The following PDE7B variants were observed in gnomAD, a reference collection of about 807,000 sequenced individuals.
PDE7B encodes the protein 3',5'-cyclic-AMP phosphodiesterase 7B.
PDE7B carries 29 observed loss-of-function variants against 56.2 expected under a neutral mutation model. The ratio of observed to expected loss-of-function variants is 0.52; its 90% CI spans 0.38 to 0.70. The LOEUF is 0.70. Among genes scored for constraint, PDE7B ranks in the 30% least tolerant of loss-of-function variants. The pLI, the probability that PDE7B is intolerant of heterozygous loss-of-function variation, is 0.00. For missense variants in PDE7B, 490 were observed against 565.0 expected (o/e 0.87, Z 1.35); for synonymous variants, 197 against 196.9 (o/e 1.00, Z 0.00).
At chr6:136,002,499 G>C (rs1775690279) in intron 2 of PDE7B, among the ~76,000 whole-genome samples, 1 of 152,180 alleles carries the variant, frequency 6.6e-6, no homozygotes, top group Non-Finnish European at 1.5e-5. Context: ...TAAAAGGATA[G>C]AGGAAGATCT....
chr6:135,915,656 G>T (rs572127987), intron 1 of PDE7B, among the ~76,000 whole-genome samples: 2 of 152,108 alleles, frequency 1.3e-5, no homozygotes, highest in African/African-American at 2.4e-5. Context: ...CCACGTCCAG[G>T]TATAGACCCA....
chr6:136,011,815 G>T (rs907166989), intron 2 of PDE7B, among the ~76,000 whole-genome samples: 2 of 152,080 alleles, frequency 1.3e-5, no homozygotes, highest in Non-Finnish European at 1.5e-5. Context: ...TCTGTGGTCA[G>T]ATTTTTACTT....
chr6:135,942,575 A>T (rs1774524639), intron 1 of PDE7B, among the ~76,000 whole-genome samples: 2 of 152,158 alleles, frequency 1.3e-5, no homozygotes, highest in South Asian at 4.1e-4. Flanking sequence ...GTTGTACAAT[A>T]GATTTCCTGA....
chr6:135,854,306 A>C (rs1481534998), intron 1 of PDE7B, among the ~76,000 whole-genome samples: 1 of 152,228 alleles, frequency 6.6e-6, no homozygotes, highest in Non-Finnish European at 1.5e-5. Flanking sequence ...ATTAAAGAGA[A>C]GTGTCAAATT....
Position 136,062,636 on chromosome 6 carries a change from A to T in PDE7B, c.83-46095A>T, listed in dbSNP as rs1012848462. Among the ~76,000 whole-genome samples, 8 of 152,330 alleles carry T rather than the reference A, an allele frequency of 5.3e-5. 1 individual carries two copies. In the South Asian group the frequency reaches 1.7e-3, roughly 32 times the overall value. On this transcript the variant is annotated intron_variant, in intron 2 of 12. Transcript: ENST00000308191. ...AGATGTCAGGATCACTGAGGTACCAAGTAAACAAGATGGAAGAAGATCATT... is the reference window on the plus strand; with the variant it reads ...AGATGTCAGGATCACTGAGGTACCATGTAAACAAGATGGAAGAAGATCATT...
chr6:135,902,331 G>A (rs1282871813), intron 1 of PDE7B, among the ~76,000 whole-genome samples: 1 of 147,698 alleles, frequency 6.8e-6, no homozygotes, highest in African/African-American at 2.5e-5. Context: ...TTATGTGAAG[G>A]TTTTTTTTTT....
At position 135,944,939 on chromosome 6, in the gene PDE7B, G is replaced by A. The variant is rs975310645; in HGVS notation, c.22-2525G>A. 2.6e-5 allele frequency among the ~76,000 whole-genome samples: 4 copies of A among 152,162 alleles called. No homozygotes were observed. The South Asian group carries it at 8.3e-4, about 32-fold the overall frequency. On this transcript the variant is annotated intron_variant, in intron 1 of 12. Transcript: ENST00000308191. ...GCAAATGGCAGGGGAGCACCCTAGG[G>A]TCCTGGAGTTATTTCCTTGTAGGAC...
At chr6:136,121,616 A>C (rs1777935220) in intron 3 of PDE7B, among the ~76,000 whole-genome samples, 1 of 152,206 alleles carries the variant, frequency 6.6e-6, no homozygotes, top group African/African-American at 2.4e-5. Context: ...GATGAACAAA[A>C]CATTTTGGGA....
Position 136,154,062 on chromosome 6 carries a change from G to T in PDE7B, c.479-13G>T, listed in dbSNP as rs760630287. Reference sequence around the variant, plus strand: ...TGGGTTTTAGTTGATTGAGTTATCTGTTTACCTCCCAGTCATGGTTCAAGA... The same window carrying T: ...TGGGTTTTAGTTGATTGAGTTATCTTTTTACCTCCCAGTCATGGTTCAAGA... On this transcript the variant is annotated splice_polypyrimidine_tract_variant and intron_variant, in intron 6 of 12. Transcript: ENST00000308191. 1 of 1,592,628 alleles carries T rather than the reference G, an allele frequency of 6.3e-7. No individual in the cohort carries two copies. Among genetic ancestry groups the T allele is most frequent in the South Asian group, 1.1e-5 (1 of 90,548 alleles).
intron 2 of PDE7B, among the ~76,000 whole-genome samples, chr6:136,058,453 A>G (rs1776777158): frequency 1.3e-5 from 2 of 152,174 alleles, no homozygotes; most frequent in Admixed American, 6.5e-5. Context: ...TCCAGTGTCT[A>G]TTTCCTGGGA....
chr6:136,107,318 G>A (rs1299906650), intron 2 of PDE7B, among the ~76,000 whole-genome samples: 1 of 152,104 alleles, frequency 6.6e-6, no homozygotes, highest in Non-Finnish European at 1.5e-5. Context: ...ATTACTACTG[G>A]AATTGAAACC....
At chr6:135,860,121 TC>T (rs1412926094) in intron 1 of PDE7B, among the ~76,000 whole-genome samples, 2 of 152,048 alleles carry the variant, frequency 1.3e-5, no homozygotes, top group Non-Finnish European at 2.9e-5. Flanking sequence ...GTTACTCAGT[TC>T]ATAATACAAA....
At chr6:135,942,337 G>A (rs2128198768) in intron 1 of PDE7B, among the ~76,000 whole-genome samples, 1 of 123,216 alleles carries the variant, frequency 8.1e-6, no homozygotes, top group East Asian at 2.8e-4. Flanking sequence ...TTAATGTAAG[G>A]ATAGGTGCAG....
chr6:135,985,944 T>C (rs898835506), intron 2 of PDE7B, among the ~76,000 whole-genome samples: 1 of 152,136 alleles, frequency 6.6e-6, no homozygotes, highest in Non-Finnish European at 1.5e-5. Flanking sequence ...CACCGGGCGA[T>C]GCTCTCCACT....
At chr6:136,111,385 A>T (rs1295449149) in intron 3 of PDE7B, among the ~76,000 whole-genome samples, 1 of 152,180 alleles carries the variant, frequency 6.6e-6, no homozygotes, top group Non-Finnish European at 1.5e-5. Context: ...ACTGAACAAC[A>T]CGGGTAGGAA....
intron 1 of PDE7B, among the ~76,000 whole-genome samples, chr6:135,935,521 T>C (rs1197237455): frequency 1.3e-5 from 2 of 152,090 alleles, no homozygotes; most frequent in Non-Finnish European, 2.9e-5. Context: ...ATGTACTCAT[T>C]CTTTCAGCTA....
chr6:136,054,323 A>G lies in PDE7B; in HGVS notation c.83-54408A>G, dbSNP rs1461674027. 8.5e-5 allele frequency among the ~76,000 whole-genome samples: 13 copies of G among 152,268 alleles called. No homozygotes were observed. In the East Asian group the frequency reaches 2.5e-3, roughly 29 times the overall value. Reference sequence around the variant, plus strand: ...TTATTAAATAGGGAATCGTTTCCCCATTTCTTGTTTTTGTCAGGTTTGTCA... The same window carrying G: ...TTATTAAATAGGGAATCGTTTCCCCGTTTCTTGTTTTTGTCAGGTTTGTCA... On this transcript the variant is annotated intron_variant, in intron 2 of 12. Transcript: ENST00000308191.
intron 2 of PDE7B, among the ~76,000 whole-genome samples, chr6:136,080,917 G>T (rs906556532): frequency 6.6e-6 from 1 of 152,152 alleles, no homozygotes; most frequent in East Asian, 1.9e-4. Context: ...ATGTGGTCTG[G>T]GAAAGCTTCC....
At chr6:136,142,442 G>T (rs1778343088) in intron 3 of PDE7B, among the ~76,000 whole-genome samples, 1 of 152,176 alleles carries the variant, frequency 6.6e-6, no homozygotes, top group Admixed American at 6.6e-5. Context: ...TTGATTTGGG[G>T]TGGAGAGTTC....
Sources: allele counts gnomAD v4.1 joint callset (sites outside exome capture counted in the v4.1 genomes callset), GRCh38; gene constraint gnomAD v4.1.1; transcripts MANE v1.5; gene names NCBI Gene and HGNC (gene_info 2026-07-23, HGNC 2026-07-21).